NAV1: variants seen among roughly 807,000 people sequenced by gnomAD.
The protein encoded by NAV1 is pore membrane and/or filament interacting like protein 3.
NAV1 carries 18 observed loss-of-function variants against 175.2 expected under a neutral mutation model. That is an observed-to-expected ratio of 0.10 (90% CI 0.07 to 0.15). The LOEUF is 0.15. Ranked by LOEUF, NAV1 falls within the 10% of genes least tolerant of loss-of-function variation. The pLI, the probability that NAV1 is intolerant of heterozygous loss-of-function variation, is 1.00. For missense variants in NAV1, 1,731 were observed against 2,436.6 expected, an observed-to-expected ratio of 0.71 and a Z score of 6.10; for synonymous variants, 897 against 978.7, an observed-to-expected ratio of 0.92 and a Z score of 1.56.
Position 201,810,476 on chromosome 1 carries a change from C to A in NAV1, c.4562-47C>A. The A allele has an allele frequency of 6.5e-7, 1 of 1,540,450 alleles. No homozygotes were observed. The highest frequency in any genetic ancestry group is 8.8e-7 in the Non-Finnish European group (1 of 1,133,862). ...AAAGCCCTTTAGGATCCCTTGCTATCCTCAAGACCCTGGTCAATACTCATG... is the reference window on the plus strand; with the variant it reads ...AAAGCCCTTTAGGATCCCTTGCTATACTCAAGACCCTGGTCAATACTCATG... On this transcript the variant is annotated intron_variant, in intron 23 of 29. Transcript: ENST00000367296. The surrounding 1 kb of genome is among the most constrained non-coding windows in gnomAD (Gnocchi z 6.0).
intron 3 of NAV1, chr1:201,739,973 C>G (rs932219604): frequency 4.7e-5 from 68 of 1,439,494 alleles, no homozygotes; most frequent in Non-Finnish European, 6.2e-5. Flanking sequence ...GAGAGCGGTC[C>G]TGGGGGGCGC....
chr1:201,794,389 C>T (rs1677304779), intron 14 of NAV1, 77 bp from the exon 19 acceptor site: 1 of 1,355,166 alleles, frequency 7.4e-7, no homozygotes, highest in East Asian at 2.3e-5. Context: ...GATCCGCCCA[C>T]CTCGGCCTCC....
At chr1:201,814,329 C>A (rs1003355203) in intron 28 of NAV1, among the ~76,000 whole-genome samples, 2 of 149,966 alleles carry the variant, frequency 1.3e-5, no homozygotes, top group African/African-American at 4.9e-5. Context: ...ATGTTCTCAC[C>A]ACTACACTCC....
At chr1:201,821,203 G>T (rs1220499726) in exon 30 of NAV1, 2 of 152,632 alleles carry the variant, frequency 1.3e-5, no homozygotes, top group African/African-American at 4.8e-5. Context: ...CTTGTGGCCA[G>T]TTTGGCCTTT....
chr1:201,799,984 T>G (rs563600322), intron 15 of NAV1, among the ~76,000 whole-genome samples: 1 of 152,102 alleles, frequency 6.6e-6, no homozygotes, highest in Non-Finnish European at 1.5e-5. Flanking sequence ...TATTTTTTAT[T>G]TTTTATTTTT....
chr1:201,703,842 G>A (rs1283471341), intron 1 of NAV1, among the ~76,000 whole-genome samples: 2 of 152,196 alleles, frequency 1.3e-5, no homozygotes, highest in Admixed American at 1.3e-4. Context: ...GGGTCAGCCT[G>A]GGTGTGGTGG....
chr1:201,726,060 G>C (rs910724667), intron 3 of NAV1, among the ~76,000 whole-genome samples: 3 of 152,234 alleles, frequency 2.0e-5, no homozygotes, highest in African/African-American at 7.2e-5. Flanking sequence ...GATAGCTGTT[G>C]CTTCATTGAA....
At chr1:201,584,489 T>G (rs183659004) in intron 1 of NAV1, among the ~76,000 whole-genome samples, 7 of 152,370 alleles carry the variant, frequency 4.6e-5, no homozygotes, top group African/African-American at 1.7e-4. Flanking sequence ...GAGATGTGTG[T>G]GCAGACTCTC....
At chr1:201,642,161 T>TCCCC (rs1668779377) in intron 2 of NAV1, among the ~76,000 whole-genome samples, 1 of 110,160 alleles carries the variant, frequency 9.1e-6, no homozygotes, top group African/African-American at 3.7e-5. Flanking sequence ...TCTTTCTCTC[T>TCCCC]CCCCTCCCTT....
intron 1 of NAV1, among the ~76,000 whole-genome samples, chr1:201,581,140 A>C (rs925810233): frequency 7.2e-5 from 11 of 152,294 alleles, no homozygotes; most frequent in Non-Finnish European, 1.2e-4. Flanking sequence ...CTTACCCTTA[A>C]AGGCTTTCTG....
chr1:201,800,547 T>C (rs1042360794), intron 15 of NAV1, among the ~76,000 whole-genome samples: 1 of 152,196 alleles, frequency 6.6e-6, no homozygotes, highest in African/African-American at 2.4e-5. Flanking sequence ...CAAGACCCTA[T>C]GGCCACAAAG....
intron 17 of NAV1, among the ~76,000 whole-genome samples, chr1:201,806,294 C>T (rs1362576128): frequency 1.3e-5 from 2 of 152,132 alleles, no homozygotes; most frequent in Admixed American, 6.5e-5. Flanking sequence ...CTAAGTACTG[C>T]ATTTTCTACA....
rs1030480446 is a variant in NAV1, at chr1:201,718,005, C to G, written c.861-385C>G. Among the ~76,000 whole-genome samples the G allele has an allele frequency of 6.6e-6, 1 of 152,202 alleles. No homozygotes were observed. The highest frequency in any genetic ancestry group is 1.5e-5 in the Non-Finnish European group (1 of 68,040). The stretch of plus-strand genomic sequence containing the variant: ...CTGTACATATGTGATCCTTACAACT[C>G]TATAAGGTAGATGTTATGCCATTAT... On this transcript the variant is annotated intron_variant, in intron 2 of 29. Transcript: ENST00000367296. This position sits in a 1 kb window ranked among gnomAD's most constrained non-coding sequence, Gnocchi z 4.8.
intron 15 of NAV1, among the ~76,000 whole-genome samples, chr1:201,800,842 A>G (rs1294419733): frequency 4.1e-5 from 1 of 24,264 alleles, no homozygotes; most frequent in African/African-American, 1.1e-4. Context: ...TTTTTTTTTT[A>G]GACAGGGTCT....
At chr1:201,816,196 A>G (rs940402399) in intron 28 of NAV1, among the ~76,000 whole-genome samples, 7 of 151,192 alleles carry the variant, frequency 4.6e-5, no homozygotes, top group Non-Finnish European at 8.8e-5. Context: ...ACATGATGAA[A>G]CCCCATCTCT....
chr1:201,631,505 C>T (rs1304360962), intron 2 of NAV1, among the ~76,000 whole-genome samples: 4 of 152,228 alleles, frequency 2.6e-5, no homozygotes, highest in Admixed American at 1.3e-4. Flanking sequence ...GGGTAAAAGA[C>T]AAATAAGACT....
intron 3 of NAV1, chr1:201,724,783 GTGTGGCTGGA>G (rs1672533257): frequency 1.3e-5 from 2 of 152,764 alleles, no homozygotes; most frequent in African/African-American, 4.8e-5. Context: ...TGCCCTCCGT[GTGTGGCTGGA>G]TGTTCCAGTC....
chr1:201,718,633 T>C lies in NAV1; in HGVS notation c.1104T>C (p.His368=). The change falls in exon 3 of 30, where the codon CAT becomes CAC. Residue 368 remains histidine, a synonymous_variant. Coordinates refer to ENST00000367296, the Ensembl canonical transcript of NAV1. This position sits in a 1 kb window ranked among gnomAD's most constrained non-coding sequence, Gnocchi z 4.8. ...TGCGCAGCCCCAGCAAGCTCAGCCA[T>C]ATCTCCCGCCTGGAGCTGGTCGAAT... The C allele has an allele frequency of 9.3e-6, 15 of 1,614,132 alleles. No homozygotes were observed. Among genetic ancestry groups the C allele is most frequent in the Non-Finnish European group, 1.3e-5 (15 of 1,180,008 alleles).
In NAV1 at chr1:201,804,475, C is replaced by A; in HGVS notation, c.3640-14C>A. The A allele has an allele frequency of 6.5e-7, 1 of 1,546,016 alleles. No homozygotes were observed. The stretch of plus-strand genomic sequence containing the variant: ...CCTTCAAAATGCTGACTCCAAATCC[C>A]TATTTTTTTCCAGGTCTATGAGGTA... On this transcript the variant is annotated splice_polypyrimidine_tract_variant and intron_variant, in intron 16 of 29. Transcript: ENST00000367296.
Sources: allele counts gnomAD v4.1 joint callset (sites outside exome capture counted in the v4.1 genomes callset), GRCh38; gene constraint gnomAD v4.1.1; non-coding constraint Gnocchi (gnomAD v3.1); transcripts MANE v1.5; gene names NCBI Gene and HGNC (gene_info 2026-07-23, HGNC 2026-07-21).